Variants in CADM2 observed in about 807,000 individuals in gnomAD.
CADM2 encodes cell adhesion molecule 2.
In CADM2, 12 loss-of-function variants were observed where a neutral mutation model predicts 49.8. The observed-to-expected ratio is 0.24, with a 90% confidence interval of 0.15 to 0.39. CADM2 has a LOEUF of 0.39. CADM2 is among the 10% of genes least tolerant of loss of function. The pLI is 1.00. For missense variants in CADM2, 378 were observed against 492.3 expected (o/e 0.77, Z 2.20); for synonymous variants, 214 against 175.4 (o/e 1.22, Z -1.74).
chr3:85,101,838 T>C (rs766594754), intron 1 of CADM2, among the ~76,000 whole-genome samples: 89 of 152,166 alleles, frequency 5.8e-4, no homozygotes, highest in Admixed American at 9.8e-4. Flanking sequence ...TACAGACACT[T>C]GATTCCATAC....
At chr3:85,315,330 G>A (rs1354968669) in intron 1 of CADM2, among the ~76,000 whole-genome samples, 3 of 152,092 alleles carry the variant, frequency 2.0e-5, no homozygotes, top group Non-Finnish European at 4.4e-5. Context: ...TCATCTTGAC[G>A]AATATATGTT....
chr3:85,693,346 C>A (rs1043472371), intron 1 of CADM2, among the ~76,000 whole-genome samples: 1 of 151,294 alleles, frequency 6.6e-6, no homozygotes, highest in African/African-American at 2.4e-5. Context: ...TTTGGGAGGC[C>A]GAGGCAGGCA....
intron 1 of CADM2, among the ~76,000 whole-genome samples, chr3:85,400,566 A>G (rs1018569583): frequency 6.6e-6 from 1 of 152,070 alleles, no homozygotes; most frequent in African/African-American, 2.4e-5. Context: ...TCGGCTGTGA[A>G]TCCATCTGGT....
chr3:85,277,231 T>C (rs1226643797), intron 1 of CADM2, among the ~76,000 whole-genome samples: 1 of 151,282 alleles, frequency 6.6e-6, no homozygotes, highest in African/African-American at 2.4e-5. Flanking sequence ...GTAGAAGAGC[T>C]CTAAGAATCC....
intron 7 of CADM2, 42 bp from the exon 8 acceptor site, chr3:85,961,427 T>C (rs750846935): frequency 6.9e-7 from 1 of 1,447,154 alleles, no homozygotes; most frequent in South Asian, 1.4e-5. Flanking sequence ...ATATTTAACA[T>C]TTCTTATTTT....
At chr3:85,198,729 A>G (rs923667468) in intron 1 of CADM2, among the ~76,000 whole-genome samples, 3 of 151,820 alleles carry the variant, frequency 2.0e-5, no homozygotes, top group Non-Finnish European at 1.5e-5. Flanking sequence ...CATTTCTGTA[A>G]TTTGTGAATA....
chr3:85,433,353 A>ATG (rs1206584632), intron 1 of CADM2, among the ~76,000 whole-genome samples: 1 of 151,966 alleles, frequency 6.6e-6, no homozygotes, highest in Non-Finnish European at 1.5e-5. Context: ...AGGAATGTAT[A>ATG]TGTGTGTGTG....
At chr3:85,378,490 G>A (rs780322581) in intron 1 of CADM2, among the ~76,000 whole-genome samples, 1 of 151,922 alleles carries the variant, frequency 6.6e-6, no homozygotes, top group Non-Finnish European at 1.5e-5. Flanking sequence ...AGTTTCGTTG[G>A]TGGGTGAGAG....
At chr3:85,139,532 T>C (rs190872297) in intron 1 of CADM2, among the ~76,000 whole-genome samples, 67 of 152,306 alleles carry the variant, frequency 4.4e-4, no homozygotes, top group African/African-American at 1.5e-3. Context: ...AGTATTTTAT[T>C]GATTTATTTT....
chr3:85,081,990 A>G (rs2037182058), intron 1 of CADM2, among the ~76,000 whole-genome samples: 1 of 152,118 alleles, frequency 6.6e-6, no homozygotes, highest in Admixed American at 6.6e-5. Context: ...CATAAATATC[A>G]CCTCATTTTC....
intron 1 of CADM2, among the ~76,000 whole-genome samples, chr3:85,715,284 C>G (rs56144014): frequency 0.012 from 1,815 of 152,228 alleles, 44 homozygotes; most frequent in African/African-American, 0.042. Flanking sequence ...TTCAAAGAAG[C>G]ATTATTTTGC....
intron 3 of CADM2, among the ~76,000 whole-genome samples, chr3:85,859,224 CTTTTTTT>C (rs397990427): frequency 1.3e-4 from 9 of 70,606 alleles, no homozygotes; most frequent in Middle Eastern, 0.013. Context: ...TTTTTTTTGT[CTTTTTTT>C]TTTTTTTTTT....
chr3:85,873,106 A>T (rs2075992055), intron 3 of CADM2, among the ~76,000 whole-genome samples: 1 of 152,156 alleles, frequency 6.6e-6, no homozygotes, highest in Admixed American at 6.6e-5. Flanking sequence ...TTCTTTGTTA[A>T]AGTCATTAAA....
intron 1 of CADM2, among the ~76,000 whole-genome samples, chr3:85,663,533 A>C (rs557565661): frequency 1.3e-4 from 20 of 152,100 alleles, no homozygotes; most frequent in African/African-American, 4.8e-4. Flanking sequence ...TTCCCCCAAC[A>C]ACCTCTGTGC....
At chr3:85,323,394 A>T (rs1242706974) in intron 1 of CADM2, among the ~76,000 whole-genome samples, 2 of 152,094 alleles carry the variant, frequency 1.3e-5, no homozygotes, top group African/African-American at 2.4e-5. Flanking sequence ...TAACCCTGCA[A>T]CCTGTCTGAA....
At chr3:85,824,893 T>C (rs1420244750) in intron 3 of CADM2, among the ~76,000 whole-genome samples, 2 of 151,988 alleles carry the variant, frequency 1.3e-5, no homozygotes, top group South Asian at 2.1e-4. Flanking sequence ...TGGTTTATTG[T>C]ATAATCAGGG....
At chr3:85,380,629 A>G (rs1207746958) in intron 1 of CADM2, among the ~76,000 whole-genome samples, 2 of 151,914 alleles carry the variant, frequency 1.3e-5, no homozygotes, top group Non-Finnish European at 2.9e-5. Flanking sequence ...ATAGAGCACA[A>G]ATATGTTTAT....
intron 1 of CADM2, among the ~76,000 whole-genome samples, chr3:85,179,415 C>G (rs942025263): frequency 6.6e-6 from 1 of 151,924 alleles, no homozygotes; most frequent in Non-Finnish European, 1.5e-5. Flanking sequence ...TAACAACTGT[C>G]TGGCTCTTTA....
intron 1 of CADM2, among the ~76,000 whole-genome samples, chr3:85,496,479 T>G (rs573967703): frequency 1.4e-4 from 21 of 152,314 alleles, no homozygotes; most frequent in African/African-American, 1.7e-4. Flanking sequence ...TCTTTGCTAT[T>G]GTGAATAGTG....
Sources: gnomAD v4.1 joint callset for allele counts (sites outside exome capture counted in the v4.1 genomes callset) on GRCh38, gnomAD v4.1.1 for gene constraint, MANE v1.5 for transcripts, NCBI Gene and HGNC (gene_info 2026-07-23, HGNC 2026-07-21) for gene names.